Variants in GRID1 observed in about 807,000 individuals in gnomAD.
GRID1 encodes glutamate receptor ionotropic, delta-1.
GRID1 carries 28 observed loss-of-function variants against 98.0 expected under a neutral mutation model. The observed-to-expected ratio is 0.29, with a 90% CI of 0.21 to 0.39. The LOEUF (loss-of-function observed/expected upper bound fraction) is 0.39. Ranked by LOEUF, GRID1 falls within the 10% of genes least tolerant of loss-of-function variation. The pLI is 1.00. For missense variants in GRID1, 1,111 were observed against 1,340.5 expected, an observed-to-expected ratio of 0.83 and a Z score of 2.67; for synonymous variants, 553 against 538.5, an observed-to-expected ratio of 1.03 and a Z score of -0.37.
chr10:86,110,154 A>G (rs961364302), intron 4 of GRID1, among the ~76,000 whole-genome samples: 12 of 152,056 alleles, frequency 7.9e-5, no homozygotes, highest in Admixed American at 6.6e-5. Context: ...TTATATTTTT[A>G]GTAGAGACAG....
chr10:85,814,330 TAAAG>T (rs1224522934), intron 8 of GRID1, among the ~76,000 whole-genome samples: 7 of 151,834 alleles, frequency 4.6e-5, no homozygotes, highest in African/African-American at 1.7e-4. Flanking sequence ...AATGCTATGT[TAAAG>T]AAAGAATAAA....
chr10:86,174,053 T>C (rs1202133048), intron 3 of GRID1, among the ~76,000 whole-genome samples: 1 of 152,176 alleles, frequency 6.6e-6, no homozygotes, highest in East Asian at 1.9e-4. Flanking sequence ...GCATGTGTCT[T>C]TATAGCAGCA....
chr10:86,037,129 C>G (rs940267809), intron 4 of GRID1, among the ~76,000 whole-genome samples: 1 of 152,152 alleles, frequency 6.6e-6, no homozygotes, highest in African/African-American at 2.4e-5. Flanking sequence ...CTCGAGGTAG[C>G]TAGAAATATC....
Position 85,678,741 on chromosome 10 carries a change from G to T in GRID1, c.1998-31344C>A, listed in dbSNP as rs560005271. ...ATTACTGTAACATCCAGATCTCCCTGGACACCTCCCTTAGCTCTGCCACCA... is the reference window on the plus strand; with the variant it reads ...ATTACTGTAACATCCAGATCTCCCTTGACACCTCCCTTAGCTCTGCCACCA... On this transcript the variant is annotated intron_variant, in intron 12 of 15. Transcript: ENST00000327946. Among the ~76,000 whole-genome samples, 5 of 152,104 alleles carry T rather than the reference G, an allele frequency of 3.3e-5. No homozygotes were observed. The South Asian group carries it at 8.3e-4, about 25-fold the overall frequency.
At chr10:86,284,335 C>T (rs1003951125) in intron 2 of GRID1, among the ~76,000 whole-genome samples, 1 of 152,182 alleles carries the variant, frequency 6.6e-6, no homozygotes, top group African/African-American at 2.4e-5. Context: ...CTGGTCATTG[C>T]TGCATTTTCA....
At chr10:86,100,679 G>A (rs1014208286) in intron 4 of GRID1, among the ~76,000 whole-genome samples, 2 of 152,216 alleles carry the variant, frequency 1.3e-5, no homozygotes, top group African/African-American at 2.4e-5. Context: ...TGTAGGTGGC[G>A]TATACTGCAC....
chr10:86,138,787 G>A, intron 4 of GRID1, 32 bp downstream of exon 4: 3 of 1,564,228 alleles, frequency 1.9e-6, no homozygotes, highest in Non-Finnish European at 2.6e-6. Context: ...CTGGGCACCA[G>A]GCCCCTGAGG....
At chr10:85,872,779 G>A (rs1843291473) in intron 5 of GRID1, among the ~76,000 whole-genome samples, 2 of 152,182 alleles carry the variant, frequency 1.3e-5, no homozygotes, top group Admixed American at 1.3e-4. Context: ...AGGGTCTGCA[G>A]GTACCTTGCA....
intron 2 of GRID1, among the ~76,000 whole-genome samples, chr10:86,289,369 G>A (rs529445848): frequency 1.4e-3 from 217 of 152,074 alleles, no homozygotes; most frequent in African/African-American, 4.9e-3. Flanking sequence ...ACAGAACATC[G>A]GCCAGCTGAA....
intron 4 of GRID1, among the ~76,000 whole-genome samples, chr10:85,976,678 T>G (rs930417445): frequency 2.0e-5 from 3 of 152,206 alleles, no homozygotes; most frequent in African/African-American, 7.2e-5. Flanking sequence ...GTAGCCCTCG[T>G]CCAGTTCCCC....
chr10:85,703,570 A>G (rs536913727), intron 12 of GRID1, among the ~76,000 whole-genome samples: 5 of 152,226 alleles, frequency 3.3e-5, no homozygotes, highest in South Asian at 2.1e-4. Flanking sequence ...TACCTTACAT[A>G]AGGAGAGATA....
intron 4 of GRID1, among the ~76,000 whole-genome samples, chr10:85,931,473 A>G (rs1282722437): frequency 6.6e-6 from 1 of 152,090 alleles, no homozygotes; most frequent in Non-Finnish European, 1.5e-5. Context: ...ATTTTTATCA[A>G]CTTTTCTCTC....
chr10:86,192,351 G>A lies in GRID1; in HGVS notation c.520+14013C>T, dbSNP rs1298144649. ...TATCCACACAATGGAATATTACTCA[G>A]CCTGAAAAAGGAAGGACGTTCTGAT... On this transcript the variant is annotated intron_variant, in intron 3 of 15. Coordinates refer to ENST00000327946, the MANE Select transcript of GRID1 (RefSeq NM_017551.3). The surrounding 1 kb of genome is among the most constrained non-coding windows in gnomAD (Gnocchi z 4.8). Among the ~76,000 whole-genome samples, 1 of 152,168 alleles carries A rather than the reference G, an allele frequency of 6.6e-6. No homozygotes were observed. Among genetic ancestry groups the A allele is most frequent in the African/African-American group, 2.4e-5 (1 of 41,430 alleles).
chr10:85,663,916 C>A (rs1044747187), intron 12 of GRID1, among the ~76,000 whole-genome samples: 1 of 152,184 alleles, frequency 6.6e-6, no homozygotes, highest in East Asian at 1.9e-4. Flanking sequence ...ATTGAATGTG[C>A]TCTATACTCC....
chr10:85,710,226 C>T (rs751829724), intron 12 of GRID1, among the ~76,000 whole-genome samples: 1 of 152,010 alleles, frequency 6.6e-6, no homozygotes, highest in Non-Finnish European at 1.5e-5. Flanking sequence ...AAATGTAATT[C>T]AAAGCTATGA....
intron 4 of GRID1, among the ~76,000 whole-genome samples, chr10:86,103,278 G>A (rs938828892): frequency 2.6e-5 from 4 of 152,148 alleles, no homozygotes; most frequent in African/African-American, 9.7e-5. Context: ...CACCAGAGTC[G>A]GCTGCCACTC....
At chr10:86,207,921 C>T (rs1426156284) in intron 2 of GRID1, among the ~76,000 whole-genome samples, 1 of 152,152 alleles carries the variant, frequency 6.6e-6, no homozygotes, top group South Asian at 2.1e-4. Context: ...TGAGCCACCG[C>T]GCCCGGCCGC....
Position 86,365,635 on chromosome 10 carries a change from C to T in GRID1, c.79+679G>A, listed in dbSNP as rs1202567472. On this transcript the variant is annotated intron_variant, in intron 1 of 15. Coordinates refer to ENST00000327946, the MANE Select transcript of GRID1 (RefSeq NM_017551.3). This position sits in a 1 kb window ranked among gnomAD's most constrained non-coding sequence, Gnocchi z 4.8. Reference sequence around the variant, plus strand: ...ACTTGGACCACGCAAAACTCTAGGACTGTCCAGGATGGGGATGCAGTCGCC... The same window carrying T: ...ACTTGGACCACGCAAAACTCTAGGATTGTCCAGGATGGGGATGCAGTCGCC... 6.6e-6 allele frequency among the ~76,000 whole-genome samples: 1 copy of T among 151,782 alleles called. No individual in the cohort carries two copies. The highest frequency in any genetic ancestry group is 1.5e-5 in the Non-Finnish European group (1 of 67,970).
intron 13 of GRID1, among the ~76,000 whole-genome samples, chr10:85,622,821 G>T (rs906339237): frequency 2.0e-5 from 3 of 152,136 alleles, no homozygotes; most frequent in Admixed American, 6.5e-5. Context: ...AGGGGAGGAT[G>T]GACTGTGGTA....
Sources: allele counts gnomAD v4.1 joint callset (sites outside exome capture counted in the v4.1 genomes callset), GRCh38; gene constraint gnomAD v4.1.1; non-coding constraint Gnocchi (gnomAD v3.1); transcripts MANE v1.5; gene names NCBI Gene and HGNC (gene_info 2026-07-23, HGNC 2026-07-21).